TMEM200A: variants seen among roughly 807,000 people sequenced by gnomAD.
The protein encoded by TMEM200A is two transmembrane C.
Under a neutral mutation model 24.3 loss-of-function variants are expected in TMEM200A, and 12 were observed. That is an observed-to-expected ratio of 0.49 (90% CI 0.32 to 0.80). TMEM200A has a LOEUF of 0.80. Among genes scored for constraint, TMEM200A ranks in the 30% least tolerant of loss-of-function variants. The probability of loss-of-function intolerance (pLI) is 0.04; values close to 1 mark genes in which losing one functional copy is unlikely to be tolerated. For synonymous variants in TMEM200A, 224 were observed against 224.4 expected, an observed-to-expected ratio of 1.00 and a Z score of 0.02; for missense variants, 545 against 614.4, an observed-to-expected ratio of 0.89 and a Z score of 1.19.
At chr6:130,395,020 T>C (rs1778916403) in intron 2 of TMEM200A, among the ~76,000 whole-genome samples, 1 of 152,190 alleles carries the variant, frequency 6.6e-6, no homozygotes, top group Admixed American at 6.5e-5. Context: ...ATCGGTATCC[T>C]AGTCTTCTTT....
At chr6:130,426,460 GC>G (rs762866765) in intron 2 of TMEM200A, among the ~76,000 whole-genome samples, 16,806 of 141,056 alleles carry the variant, frequency 0.12, 2,891 homozygotes, top group African/African-American at 0.39. Flanking sequence ...CCTTTCTGCA[GC>G]CCCCCCCCCC....
At chr6:130,379,919 A>G (rs1311810894) in intron 1 of TMEM200A, among the ~76,000 whole-genome samples, 5 of 152,196 alleles carry the variant, frequency 3.3e-5, no homozygotes, top group African/African-American at 1.2e-4. Flanking sequence ...GATAGAGAGC[A>G]TACCGAGAAG....
intron 2 of TMEM200A, chr6:130,439,136 G>A (rs1780092997): frequency 6.6e-6 from 1 of 152,228 alleles, no homozygotes; most frequent in African/African-American, 2.4e-5. Flanking sequence ...TTGGTAGGTA[G>A]TGGAGAATAT....
At position 130,367,143 on chromosome 6, in the gene TMEM200A, G is replaced by T. The variant is rs73611649; in HGVS notation, c.-81+619G>T. 8.4e-3 allele frequency among the ~76,000 whole-genome samples: 1,276 copies of T among 152,012 alleles called. 19 individuals are homozygous for T. The highest frequency in any genetic ancestry group is 0.029 in the African/African-American group (1,216 of 41,450). ...TAGAAAAATGTGTGTGTGTTTGTGT[G>T]TTTTTTTTAAATAACAATTCATTGT... On this transcript the variant is annotated intron_variant, in intron 1 of 2. Coordinates refer to ENST00000296978, the MANE Select transcript of TMEM200A (RefSeq NM_001258277.2).
chr6:130,387,274 G>A (rs1367759391), intron 2 of TMEM200A, among the ~76,000 whole-genome samples: 2 of 151,962 alleles, frequency 1.3e-5, no homozygotes, highest in Non-Finnish European at 2.9e-5. Flanking sequence ...ATAGAGTTGT[G>A]TTTGTTTGTT....
chr6:130,406,350 T>C (rs1388319138), intron 2 of TMEM200A, among the ~76,000 whole-genome samples: 1 of 152,144 alleles, frequency 6.6e-6, no homozygotes, highest in African/African-American at 2.4e-5. Context: ...TGATCCCTCC[T>C]CCCACATTCC....
At chr6:130,436,782 G>T (rs56895744) in intron 2 of TMEM200A, among the ~76,000 whole-genome samples, 1 of 151,656 alleles carries the variant, frequency 6.6e-6, no homozygotes, top group East Asian at 2.0e-4. Context: ...GAGTAACTGA[G>T]ACTACAGGCA....
In TMEM200A at chr6:130,391,782, G is replaced by A. The variant is rs868690803; in HGVS notation, c.-17+6546G>A. On this transcript the variant is annotated intron_variant, in intron 2 of 2. Transcript: ENST00000296978. ...TTTTGAGACAGAGTCTCGCTCTGTCGCCCAGGCTAGAGTGCAGTGGCACGA... is the reference window on the plus strand; with the variant it reads ...TTTTGAGACAGAGTCTCGCTCTGTCACCCAGGCTAGAGTGCAGTGGCACGA... Among the ~76,000 whole-genome samples, 140 of 115,886 alleles carry A rather than the reference G, an allele frequency of 1.2e-3. 2 individuals carry two copies. The highest frequency in any genetic ancestry group is 4.1e-3 in the African/African-American group (122 of 29,442). The allele number at this position is 115,886 out of a possible 152,430, so 76.0% of individuals were successfully genotyped here. A position where few individuals can be genotyped will look rare whatever the true frequency, so the allele number is the denominator to read the frequency against.
chr6:130,370,360 T>C (rs1778290794), intron 1 of TMEM200A, among the ~76,000 whole-genome samples: 1 of 152,162 alleles, frequency 6.6e-6, no homozygotes, highest in South Asian at 2.1e-4. Flanking sequence ...TGTATTGGAC[T>C]AAATCATGTG....
chr6:130,440,886 C>G lies in TMEM200A; in HGVS notation c.464C>G (p.Thr155Ser), dbSNP rs1780147590. The change falls in exon 3 of 3, where the codon ACC (threonine) becomes AGC (serine). Residue 155 changes from threonine to serine, a missense_variant. Transcript: ENST00000296978. Reference sequence around the variant, plus strand: ...CTTCATGAAAACCGTGACAAAGAGACCAAAATCATACACATGAGGGATATC... The same window carrying G: ...CTTCATGAAAACCGTGACAAAGAGAGCAAAATCATACACATGAGGGATATC... ...AILHENRDKE[T>S]KIIHMRDIYS... The G allele has an allele frequency of 6.2e-7, 1 of 1,613,822 alleles. No homozygotes were observed.
intron 2 of TMEM200A, among the ~76,000 whole-genome samples, chr6:130,434,142 T>C: frequency 6.6e-6 from 1 of 152,224 alleles, no homozygotes; most frequent in Admixed American, 6.5e-5. Flanking sequence ...ATTTCAACCA[T>C]ACTCAAACCT....
At position 130,366,691 on chromosome 6, in the gene TMEM200A, G is replaced by T. The variant is rs1410957917; in HGVS notation, c.-81+167G>T. 20 of 592,812 alleles carry T rather than the reference G, an allele frequency of 3.4e-5. No homozygotes were observed. Among genetic ancestry groups the T allele is most frequent in the Non-Finnish European group, 3.8e-5 (18 of 471,202 alleles). 36.7% of individuals were successfully genotyped at this position (592,812 alleles called of 1,614,324 possible). A position where few individuals can be genotyped will look rare whatever the true frequency, so the allele number is the denominator to read the frequency against. ...AAAGTTTGGGAAATAAACCAAGTCC[G>T]CCATCAGGTCCAGACTCCCCAGTCC... On this transcript the variant is annotated intron_variant, in intron 1 of 2. Transcript: ENST00000296978. This position sits in a 1 kb window ranked among gnomAD's most constrained non-coding sequence, Gnocchi z 4.4.
At chr6:130,389,364 G>T (rs1778783884) in intron 2 of TMEM200A, among the ~76,000 whole-genome samples, 1 of 152,060 alleles carries the variant, frequency 6.6e-6, no homozygotes, top group African/African-American at 2.4e-5. Flanking sequence ...TGTAGATTTT[G>T]AAACGGGCAG....
At chr6:130,370,314 T>C (rs1778289957) in intron 1 of TMEM200A, among the ~76,000 whole-genome samples, 1 of 152,156 alleles carries the variant, frequency 6.6e-6, no homozygotes, top group African/African-American at 2.4e-5. Context: ...GGTAATTGAA[T>C]TGGTCTCTGT....
chr6:130,432,772 C>T (rs1423025027), intron 2 of TMEM200A, among the ~76,000 whole-genome samples: 3 of 152,130 alleles, frequency 2.0e-5, no homozygotes, highest in African/African-American at 4.8e-5. Context: ...CTCACGTAGA[C>T]CTTAATTGCC....
intron 2 of TMEM200A, among the ~76,000 whole-genome samples, chr6:130,389,268 A>G (rs1291345212): frequency 3.9e-5 from 6 of 152,170 alleles, no homozygotes; most frequent in Admixed American, 3.9e-4. Context: ...ACAACAAGAT[A>G]TAAGTGGAAG....
In TMEM200A at chr6:130,397,505, T is replaced by C. The variant is rs1778978985; in HGVS notation, c.-17+12269T>C. ...AATCCTTTTCATCCTTAATAATGTTTTTCCCCCTCTTTGGAGTCTATTTTA... is the reference window on the plus strand; with the variant it reads ...AATCCTTTTCATCCTTAATAATGTTCTTCCCCCTCTTTGGAGTCTATTTTA... On this transcript the variant is annotated intron_variant, in intron 2 of 2. Transcript: ENST00000296978. 2.0e-5 allele frequency among the ~76,000 whole-genome samples: 3 copies of C among 152,130 alleles called. No individual in the cohort carries two copies. In the South Asian group the frequency reaches 6.2e-4, roughly 31 times the overall value.
intron 2 of TMEM200A, among the ~76,000 whole-genome samples, chr6:130,407,988 C>T (rs749548409): frequency 6.6e-6 from 1 of 152,090 alleles, no homozygotes; most frequent in Non-Finnish European, 1.5e-5. Flanking sequence ...TTCATCAAAC[C>T]TATTTTGAGC....
intron 2 of TMEM200A, among the ~76,000 whole-genome samples, chr6:130,411,190 G>A (rs919389051): frequency 6.6e-6 from 1 of 151,962 alleles, no homozygotes; most frequent in African/African-American, 2.4e-5. Flanking sequence ...AATCAATATG[G>A]CATCTTACAT....
Sources: gnomAD v4.1 joint callset for allele counts (sites outside exome capture counted in the v4.1 genomes callset) on GRCh38, gnomAD v4.1.1 for gene constraint, Gnocchi (gnomAD v3.1) non-coding constraint, MANE v1.5 for transcripts, NCBI Gene and HGNC (gene_info 2026-07-23, HGNC 2026-07-21) for gene names.